MACROD2: variants seen among roughly 807,000 people sequenced by gnomAD.
The protein encoded by MACROD2 is ADP-ribose glycohydrolase MACROD2.
A neutral mutation model predicts 70.4 loss-of-function variants in MACROD2; 36 were observed. The observed-to-expected ratio is 0.51, with a 90% CI of 0.39 to 0.68. The LOEUF (loss-of-function observed/expected upper bound fraction) is 0.68, where lower values mean the gene tolerates loss of function less well. MACROD2 is among the 30% of genes least tolerant of loss of function. The pLI, the probability that MACROD2 is intolerant of heterozygous loss-of-function variation, is 0.00. For synonymous variants in MACROD2, 172 were observed against 178.8 expected, an observed-to-expected ratio of 0.96 and a Z score of 0.30; for missense variants, 496 against 538.4, an observed-to-expected ratio of 0.92 and a Z score of 0.78.
intron 5 of MACROD2, among the ~76,000 whole-genome samples, chr20:14,732,349 T>C (rs535794179): frequency 3.9e-5 from 6 of 152,140 alleles, no homozygotes; most frequent in Non-Finnish European, 8.8e-5. Flanking sequence ...TGGACTTTCT[T>C]TGTGGTAAAT....
At chr20:15,717,404 T>C (rs1305182037) in intron 8 of MACROD2, among the ~76,000 whole-genome samples, 1 of 151,954 alleles carries the variant, frequency 6.6e-6, no homozygotes, top group Non-Finnish European at 1.5e-5. Flanking sequence ...GATAGAGCTG[T>C]TGTGTTCACT....
At chr20:15,714,144 C>A (rs1490650839) in intron 8 of MACROD2, among the ~76,000 whole-genome samples, 1 of 152,112 alleles carries the variant, frequency 6.6e-6, no homozygotes, top group Non-Finnish European at 1.5e-5. Flanking sequence ...ACCAACCAAA[C>A]AAGCAAACAA....
chr20:15,911,303 G>A (rs545061424), intron 10 of MACROD2, among the ~76,000 whole-genome samples: 2 of 152,222 alleles, frequency 1.3e-5, no homozygotes, highest in African/African-American at 4.8e-5. Context: ...GAAAATAGAC[G>A]GTATGCCTTC....
chr20:14,938,995 T>A (rs575617116), intron 5 of MACROD2, among the ~76,000 whole-genome samples: 5 of 149,632 alleles, frequency 3.3e-5, no homozygotes, highest in Non-Finnish European at 5.9e-5. Flanking sequence ...TTACATACTC[T>A]GGTTATCAAT....
intron 3 of MACROD2, among the ~76,000 whole-genome samples, chr20:14,170,947 A>G (rs1439093953): frequency 2.0e-5 from 3 of 152,206 alleles, no homozygotes; most frequent in African/African-American, 7.2e-5. Context: ...GTTTGATAGA[A>G]TTCAGCTGTG....
intron 10 of MACROD2, among the ~76,000 whole-genome samples, chr20:15,920,557 G>T (rs981784566): frequency 2.6e-5 from 4 of 151,988 alleles, no homozygotes; most frequent in Non-Finnish European, 5.9e-5. Context: ...TTTATTAAAA[G>T]ACCTCTGTTG....
chr20:15,663,653 G>T (rs2049855459), intron 8 of MACROD2, among the ~76,000 whole-genome samples: 1 of 151,780 alleles, frequency 6.6e-6, no homozygotes, highest in Non-Finnish European at 1.5e-5. Context: ...GCTTGTACTA[G>T]CCAAACAAAA....
At chr20:14,814,311 G>A (rs936755917) in intron 5 of MACROD2, among the ~76,000 whole-genome samples, 1 of 152,046 alleles carries the variant, frequency 6.6e-6, no homozygotes, top group South Asian at 2.1e-4. Context: ...ACAGCCAGGA[G>A]CCACATATGA....
intron 3 of MACROD2, among the ~76,000 whole-genome samples, chr20:14,485,259 A>G (rs547356465): frequency 1.3e-5 from 2 of 152,338 alleles, no homozygotes; most frequent in Non-Finnish European, 2.9e-5. Context: ...TAATGGGAGT[A>G]GTTTTACTCA....
chr20:14,174,407 T>G (rs2148726429), intron 3 of MACROD2, among the ~76,000 whole-genome samples: 1 of 152,256 alleles, frequency 6.6e-6, no homozygotes, highest in South Asian at 2.1e-4. Context: ...AGGGGGATTA[T>G]GGCTTCCTCT....
intron 2 of MACROD2, among the ~76,000 whole-genome samples, chr20:14,015,910 CTG>C (rs998139004): frequency 6.6e-6 from 1 of 152,196 alleles, no homozygotes; most frequent in Non-Finnish European, 1.5e-5. Flanking sequence ...CCTTTATCAA[CTG>C]TGAATAATGC....
At chr20:15,126,111 C>CTTTTTTT (rs5840654) in intron 5 of MACROD2, among the ~76,000 whole-genome samples, 2 of 98,788 alleles carry the variant, frequency 2.0e-5, no homozygotes, top group Non-Finnish European at 3.9e-5. Context: ...ATTGTTTCAA[C>CTTTTTTT]TTTTTTTTTT....
intron 4 of MACROD2, among the ~76,000 whole-genome samples, chr20:14,619,236 A>G (rs1983659863): frequency 6.6e-6 from 1 of 151,706 alleles, no homozygotes; most frequent in Non-Finnish European, 1.5e-5. Flanking sequence ...CTCTGTTAAA[A>G]TTATACCATG....
In MACROD2 at chr20:15,875,249, G is replaced by A. The variant is rs536373660; in HGVS notation, c.728-10515G>A. Among the ~76,000 whole-genome samples, 5 of 152,186 alleles carry A rather than the reference G, an allele frequency of 3.3e-5. No individual in the cohort carries two copies. In the East Asian group the frequency reaches 7.7e-4, roughly 24 times the overall value. On this transcript the variant is annotated intron_variant, in intron 9 of 17. Coordinates refer to ENST00000684519, the MANE Select transcript of MACROD2 (RefSeq NM_001351661.2). ...TACAACAGTAATAGAAAACTAATAC[G>A]CCAGTCATCTATGAATAAGTGAAAG...
At chr20:14,064,536 T>G (rs1281470042) in intron 2 of MACROD2, among the ~76,000 whole-genome samples, 2 of 152,194 alleles carry the variant, frequency 1.3e-5, no homozygotes, top group Non-Finnish European at 2.9e-5. Context: ...CCTCAGCAAT[T>G]TCTTGTCCTC....
chr20:14,501,241 G>A (rs921408417), intron 4 of MACROD2, among the ~76,000 whole-genome samples: 4 of 151,844 alleles, frequency 2.6e-5, no homozygotes, highest in East Asian at 1.9e-4. Context: ...GAATAGATGG[G>A]GAATGAAATA....
intron 5 of MACROD2, among the ~76,000 whole-genome samples, chr20:14,778,433 G>T (rs1456108711): frequency 1.3e-5 from 2 of 152,014 alleles, no homozygotes; most frequent in African/African-American, 4.8e-5. Flanking sequence ...GTTCCCTTAT[G>T]TTGTAATTTT....
At chr20:15,536,557 GT>G (rs2047877686) in intron 8 of MACROD2, among the ~76,000 whole-genome samples, 1 of 152,154 alleles carries the variant, frequency 6.6e-6, no homozygotes, top group African/African-American at 2.4e-5. Flanking sequence ...AGAATAGGAT[GT>G]TATAAAGAAT....
intron 12 of MACROD2, among the ~76,000 whole-genome samples, chr20:15,967,260 A>G (rs1001403961): frequency 1.3e-5 from 2 of 152,026 alleles, no homozygotes; most frequent in Admixed American, 6.6e-5. Context: ...GTCCTTTCCC[A>G]TAGTTCTAAG....
Sources: gnomAD v4.1 joint callset for allele counts (sites outside exome capture counted in the v4.1 genomes callset) on GRCh38, gnomAD v4.1.1 for gene constraint, MANE v1.5 for transcripts, NCBI Gene and HGNC (gene_info 2026-07-23, HGNC 2026-07-21) for gene names.